Variants in TENM3 observed in about 807,000 individuals in gnomAD.
TENM3 encodes teneurin-3.
A neutral mutation model predicts 255.1 loss-of-function variants in TENM3; 63 were observed. The ratio of observed to expected loss-of-function variants is 0.25; its 90% CI spans 0.20 to 0.30. The LOEUF (loss-of-function observed/expected upper bound fraction) is 0.30, where lower values mean the gene tolerates loss of function less well. TENM3 is among the 10% of genes least tolerant of loss of function. TENM3 has a pLI of 1.00. For missense variants in TENM3, 2,929 were observed against 3,461.1 expected (o/e 0.85, Z 3.86); for synonymous variants, 1,306 against 1,322.3 (o/e 0.99, Z 0.27).
At chr4:182,172,282 T>C (rs535235114) in intron 1 of TENM3, among the ~76,000 whole-genome samples, 7 of 152,224 alleles carry the variant, frequency 4.6e-5, no homozygotes, top group African/African-American at 1.4e-4. Context: ...GTCAGGACTG[T>C]GTGGGGAGGG....
chr4:181,922,485 T>G, the TENM3 span, among the ~76,000 whole-genome samples: 11 of 152,166 alleles, frequency 7.2e-5, no homozygotes, highest in Admixed American at 3.9e-4. Flanking sequence ...GTTGAGGAAT[T>G]TATCCATTTC....
the TENM3 span, among the ~76,000 whole-genome samples, chr4:182,073,597 A>G: frequency 6.6e-6 from 1 of 152,208 alleles, no homozygotes; most frequent in Admixed American, 6.5e-5. Flanking sequence ...TGTTGGCCTC[A>G]TGTAGCAAGA....
chr4:181,455,463 G>A, the TENM3 span, among the ~76,000 whole-genome samples: 2 of 152,036 alleles, frequency 1.3e-5, no homozygotes, highest in South Asian at 4.1e-4. Context: ...TATAAAACAT[G>A]AACTCCTCTA....
chr4:181,535,031 C>T, the TENM3 span, among the ~76,000 whole-genome samples: 9 of 152,164 alleles, frequency 5.9e-5, no homozygotes, highest in Non-Finnish European at 1.3e-4. Flanking sequence ...CCCTATGCAG[C>T]GGTTCATGTC....
chr4:182,679,300 T>C (rs923700926), intron 7 of TENM3, among the ~76,000 whole-genome samples: 2 of 152,236 alleles, frequency 1.3e-5, no homozygotes. Flanking sequence ...ATGAATTTAA[T>C]GCATTAAAAA....
At chr4:182,547,090 T>C (rs1367484538) in intron 3 of TENM3, among the ~76,000 whole-genome samples, 1 of 152,180 alleles carries the variant, frequency 6.6e-6, no homozygotes, top group Non-Finnish European at 1.5e-5. Context: ...AGCAGAGATC[T>C]TGACCTGTAG....
the TENM3 span, among the ~76,000 whole-genome samples, chr4:181,888,066 G>T: frequency 4.6e-5 from 7 of 152,050 alleles, no homozygotes; most frequent in Middle Eastern, 6.8e-3. Flanking sequence ...GTCTTGCTCT[G>T]CTGCCCAGGC....
chr4:181,573,152 C>T, the TENM3 span, among the ~76,000 whole-genome samples: 1 of 152,134 alleles, frequency 6.6e-6, no homozygotes, highest in Non-Finnish European at 1.5e-5. Context: ...TTGATGGGCA[C>T]TTAGGTCTCT....
chr4:182,711,444 C>T (rs1402891604), intron 12 of TENM3: 2 of 176,760 alleles, frequency 1.1e-5, no homozygotes, highest in Non-Finnish European at 2.2e-5. Flanking sequence ...CGAAGTGCAT[C>T]TCTGTCATGT....
At chr4:181,501,405 G>C in the TENM3 span, among the ~76,000 whole-genome samples, 1 of 150,760 alleles carries the variant, frequency 6.6e-6, no homozygotes, top group Non-Finnish European at 1.5e-5. Flanking sequence ...TTAAGATGGA[G>C]TCTCGCACTG....
the TENM3 span, among the ~76,000 whole-genome samples, chr4:182,022,512 G>A: frequency 6.9e-6 from 1 of 145,260 alleles, no homozygotes; most frequent in East Asian, 2.1e-4. Flanking sequence ...TAACAAACCT[G>A]CACATGTATC....
intron 2 of TENM3, among the ~76,000 whole-genome samples, chr4:182,330,066 GA>G (rs146468595): frequency 3.0e-4 from 44 of 148,354 alleles, no homozygotes; most frequent in East Asian, 5.9e-4. Flanking sequence ...CCTACTGAGA[GA>G]AAAAAAAAAT....
chr4:181,954,722 TAA>T, the TENM3 span, among the ~76,000 whole-genome samples: 2 of 152,190 alleles, frequency 1.3e-5, no homozygotes, highest in South Asian at 2.1e-4. Context: ...TCAATTTTGA[TAA>T]AGTTTTTTGT....
chr4:182,721,315 G>T (rs1759714791), intron 13 of TENM3, among the ~76,000 whole-genome samples: 1 of 152,112 alleles, frequency 6.6e-6, no homozygotes, highest in Non-Finnish European at 1.5e-5. Context: ...GAATTCATAT[G>T]CACATTTATG....
At chr4:182,287,377 C>A (rs898588225) in intron 1 of TENM3, among the ~76,000 whole-genome samples, 1 of 152,190 alleles carries the variant, frequency 6.6e-6, no homozygotes, top group Non-Finnish European at 1.5e-5. Flanking sequence ...ATACACCGAG[C>A]TTTTGCTATT....
chr4:181,682,597 T>A, the TENM3 span, among the ~76,000 whole-genome samples: 1 of 152,170 alleles, frequency 6.6e-6, no homozygotes, highest in African/African-American at 2.4e-5. Flanking sequence ...AGAAAAAATA[T>A]ATATATGCAC....
At chr4:182,401,912 G>A (rs1769237489) in intron 3 of TENM3, among the ~76,000 whole-genome samples, 1 of 152,148 alleles carries the variant, frequency 6.6e-6, no homozygotes, top group Admixed American at 6.5e-5. Flanking sequence ...GGGATGGTGC[G>A]ATCCGTTATT....
Position 182,754,752 on chromosome 4 carries a change from G to C in TENM3, c.4385G>C (p.Gly1462Ala), listed in dbSNP as rs1301125519. 6.2e-7 allele frequency: 1 copy of C among 1,614,072 alleles called. No homozygotes were observed. The highest frequency in any genetic ancestry group is 8.5e-7 in the Non-Finnish European group (1 of 1,179,908). ...GCCAACTGTGACTGTTACCAGAGTG[G>C]AGATGGCTACGCCAAGGATGCCAAA... ...NDANCDCYQS[G>A]DGYAKDAKLS... is the part of the protein sequence containing the mutation. Residue 1462 changes from glycine to alanine, a missense_variant, in exon 22 of 28, where the codon GGA becomes GCA. Physicochemically the swap from Gly to Ala is moderately conservative, Grantham distance 60 (BLOSUM62 0). This residue lies in a region of TENM3 where 1,608 missense variants were observed against 1,884.4 expected (regional missense o/e 0.85). Transcript: ENST00000511685. This position sits in a 1 kb window ranked among gnomAD's most constrained non-coding sequence, Gnocchi z 5.1.
At chr4:182,763,072 CTCTT>C (rs1244476143) in intron 22 of TENM3, among the ~76,000 whole-genome samples, 3 of 152,140 alleles carry the variant, frequency 2.0e-5, no homozygotes, top group African/African-American at 4.8e-5. Flanking sequence ...ACTTTTTGTT[CTCTT>C]TAAGTGTATT....
Sources: allele counts gnomAD v4.1 joint callset (sites outside exome capture counted in the v4.1 genomes callset), GRCh38; gene constraint gnomAD v4.1.1; regional missense constraint gnomAD v4.1.1; non-coding constraint Gnocchi (gnomAD v3.1); transcripts MANE v1.5; gene names NCBI Gene and HGNC (gene_info 2026-07-23, HGNC 2026-07-21).